Variants in SMARCD1 observed in about 807,000 individuals in gnomAD.
The protein encoded by SMARCD1 is SWI/SNF related BAF chromatin remodeling complex subunit D1, also known as SWI/SNF-related matrix-associated actin-dependent regulator of chromatin subfamily D member 1.
SMARCD1 carries 16 observed loss-of-function variants against 70.8 expected under a neutral mutation model. The observed-to-expected ratio is 0.23, with a 90% CI of 0.15 to 0.34. The LOEUF is 0.34. SMARCD1 is among the 10% of genes least tolerant of loss of function. The probability of loss-of-function intolerance (pLI) is 1.00; values close to 1 mark genes in which losing one functional copy is unlikely to be tolerated. For missense variants in SMARCD1, 409 were observed against 655.5 expected, an observed-to-expected ratio of 0.62 and a Z score of 4.11; for synonymous variants, 249 against 246.0, an observed-to-expected ratio of 1.01 and a Z score of -0.11.
intron 5 of SMARCD1, 53 bp from the exon 6 acceptor site, chr12:50,088,468 T>C (rs1199952413): frequency 2.5e-5 from 24 of 975,254 alleles, no homozygotes; most frequent in Non-Finnish European, 3.0e-5. Flanking sequence ...GATTTTGTCT[T>C]GGGAAGTTTC....
chr12:50,096,059 G>C (rs1220135964), intron 10 of SMARCD1, among the ~76,000 whole-genome samples: 3 of 152,198 alleles, frequency 2.0e-5, no homozygotes, highest in African/African-American at 7.2e-5. Context: ...AGCCCAGTTA[G>C]GAGGCTGGTG....
At position 50,086,214 on chromosome 12, in the gene SMARCD1, AC is replaced by A; in HGVS notation, c.236del (p.Pro79LeufsTer84). ...RMTPQGPSMGPPGYGGNPSVR... is the reference protein window; with the variant it reads ...RMTPQGPSMGXPGYGGNPSVR... ...TGACACCTCAGGGACCTTCCATGGG[AC>A]CCCCTGGCTATGGGGGGAACCCTTC... On this transcript the variant is annotated frameshift_variant, in exon 2 of 13. Transcript: ENST00000394963. LOFTEE classifies it high-confidence loss of function. The A allele has an allele frequency of 1.2e-6, 2 of 1,606,384 alleles. No homozygotes were observed. Among genetic ancestry groups the A allele is most frequent in the South Asian group, 1.1e-5 (1 of 90,252 alleles).
At chr12:50,093,406 T>C (rs1279481695) in intron 9 of SMARCD1, among the ~76,000 whole-genome samples, 1 of 152,014 alleles carries the variant, frequency 6.6e-6, no homozygotes, top group African/African-American at 2.4e-5. Flanking sequence ...TTGAGTGATC[T>C]GCCCGTGTTG....
intron 6 of SMARCD1, among the ~76,000 whole-genome samples, chr12:50,089,595 A>G (rs1484262586): frequency 6.6e-6 from 1 of 152,270 alleles, no homozygotes; most frequent in Non-Finnish European, 1.5e-5. Flanking sequence ...AGTACTCAGT[A>G]AATGATAGCT....
rs1373002736 is a variant in SMARCD1, at chr12:50,090,480, C to T, written c.1036-13C>T. The T allele has an allele frequency of 3.7e-6, 6 of 1,613,550 alleles. No individual in the cohort carries two copies. The highest frequency in any genetic ancestry group is 1.3e-5 in the African/African-American group (1 of 74,906). ...TCAAACTGCTAACCTCGTGCTTCTCCCCTTTGCTACAGATCTTTGAGTCTC... is the reference window on the plus strand; with the variant it reads ...TCAAACTGCTAACCTCGTGCTTCTCTCCTTTGCTACAGATCTTTGAGTCTC... On this transcript the variant is annotated splice_polypyrimidine_tract_variant and intron_variant, in intron 8 of 12. Transcript: ENST00000394963.
rs1393161188 is a variant in SMARCD1 at position 50,099,520 on chromosome 12, T to C, written c.*520T>C. On this transcript the variant is annotated 3_prime_UTR_variant, in exon 13 of 13. Coordinates refer to ENST00000394963, the MANE Select transcript of SMARCD1 (RefSeq NM_003076.5). ...CAAACTCTCCCTTCACTTGTTGCCC[T>C]GTAGCACTACAGAAACCCTGGTTCT... 2.5e-6 allele frequency: 1 copy of C among 398,440 alleles called. No homozygotes were observed. The highest frequency in any genetic ancestry group is 2.1e-5 in the African/African-American group (1 of 48,576). 24.7% of individuals were successfully genotyped at this position (398,440 alleles called of 1,614,324 possible).
rs774710402 is a variant in SMARCD1 at position 50,085,475 on chromosome 12, C to T, written c.106C>T (p.Pro36Ser). Reference protein sequence around the residue: ...AALGPGGTPGPPVRMGPAPGQ... With the variant: ...AALGPGGTPGSPVRMGPAPGQ... ...CTTGGGCCCGGGCGGAACTCCGGGGCCTCCTGTGCGAATGGGCCCGGCTCC... is the reference window on the plus strand; with the variant it reads ...CTTGGGCCCGGGCGGAACTCCGGGGTCTCCTGTGCGAATGGGCCCGGCTCC... Residue 36 changes from proline (P) to serine (S), a missense_variant, in exon 1 of 13, where the codon CCT becomes TCT. Transcript: ENST00000394963. 8.1e-7 allele frequency: 1 copy of T among 1,239,332 alleles called. No homozygotes were observed. Among genetic ancestry groups the T allele is most frequent in the Non-Finnish European group, 1.0e-6 (1 of 991,952 alleles). The allele number at this position is 1,239,332 out of a possible 1,614,324, so 76.8% of individuals were successfully genotyped here. A position where few individuals can be genotyped will look rare whatever the true frequency, so the allele number is the denominator to read the frequency against.
intron 9 of SMARCD1, among the ~76,000 whole-genome samples, chr12:50,093,954 T>C (rs919767172): frequency 6.6e-6 from 1 of 151,992 alleles, no homozygotes; most frequent in Non-Finnish European, 1.5e-5. Context: ...TAGTTTTTAG[T>C]AGAAATGGGG....
chr12:50,090,826 T>TTTC (rs1950835909), intron 9 of SMARCD1, among the ~76,000 whole-genome samples: 1 of 130,086 alleles, frequency 7.7e-6, no homozygotes, highest in Admixed American at 7.6e-5. Context: ...TTGTGCTTTT[T>TTTC]TTTTTTTTTT....
intron 11 of SMARCD1, among the ~76,000 whole-genome samples, chr12:50,098,296 A>G (rs143121256): frequency 1.3e-5 from 2 of 152,336 alleles, no homozygotes; most frequent in Non-Finnish European, 1.5e-5. Context: ...ACAGTTGTGG[A>G]GGCTGGAAGT....
At position 50,090,369 on chromosome 12, in the gene SMARCD1, G is replaced by A. The variant is rs374840364; in HGVS notation, c.1002G>A (p.Arg334=). The A allele has an allele frequency of 8.7e-5, 140 of 1,613,950 alleles. No individual in the cohort carries two copies. The highest frequency in any genetic ancestry group is 1.1e-4 in the Non-Finnish European group (129 of 1,180,002). ...KTHKLQDPHE[R]EFVICDKYLQ... is the part of the protein sequence containing the mutation. ...ATAAGCTCCAGGACCCTCACGAGCG[G>A]GAGTTTGTCATCTGTGACAAGTACC... The change falls in exon 8 of 13, where the codon CGG becomes CGA. Residue 334 remains arginine, a synonymous_variant. Coordinates refer to ENST00000394963, the MANE Select transcript of SMARCD1 (RefSeq NM_003076.5).
At chr12:50,097,926 T>C (rs1000846949) in intron 11 of SMARCD1, among the ~76,000 whole-genome samples, 1 of 150,050 alleles carries the variant, frequency 6.7e-6, no homozygotes, top group Non-Finnish European at 1.5e-5. Flanking sequence ...ATTATTAGAC[T>C]GACCAGGACC....
At chr12:50,095,574 G>A (rs902478464) in intron 10 of SMARCD1, among the ~76,000 whole-genome samples, 1 of 152,126 alleles carries the variant, frequency 6.6e-6, no homozygotes, top group Non-Finnish European at 1.5e-5. Flanking sequence ...TGATCCACCC[G>A]CTTCGGCCTC....
intron 10 of SMARCD1, among the ~76,000 whole-genome samples, chr12:50,095,401 A>G (rs1257258527): frequency 2.0e-5 from 3 of 151,622 alleles, no homozygotes; most frequent in Non-Finnish European, 4.4e-5. Context: ...ATCTTGGCTC[A>G]CTACGACCTC....
intron 10 of SMARCD1, 124 bp from the exon 11 acceptor site, chr12:50,096,726 T>G: frequency 1.2e-6 from 1 of 804,618 alleles, no homozygotes. Flanking sequence ...TATATGATGG[T>G]GCCAGCTGTG....
chr12:50,094,669 C>A, intron 10 of SMARCD1, 97 bp downstream of exon 10: 1 of 1,194,794 alleles, frequency 8.4e-7, no homozygotes, highest in Non-Finnish European at 1.2e-6. Flanking sequence ...AATACGGTGA[C>A]ACCCAGTATA....
At chr12:50,087,330 C>T (rs1208156408) in intron 4 of SMARCD1, 33 bp from the exon 5 acceptor site, 2 of 1,609,066 alleles carry the variant, frequency 1.2e-6, no homozygotes, top group Admixed American at 1.7e-5. Context: ...ACCACTGAAG[C>T]CCCACGATCA....
At chr12:50,095,634 A>C (rs898011592) in intron 10 of SMARCD1, among the ~76,000 whole-genome samples, 1 of 152,110 alleles carries the variant, frequency 6.6e-6, no homozygotes, top group Non-Finnish European at 1.5e-5. Flanking sequence ...GCCCCAACTA[A>C]ATCTTGAAGG....
intron 7 of SMARCD1, 83 bp from the exon 8 acceptor site, chr12:50,090,158 A>T: frequency 7.0e-7 from 1 of 1,434,790 alleles, no homozygotes; most frequent in Non-Finnish European, 9.6e-7. Context: ...AAAGCACTAC[A>T]TTATTTGTTG....
Sources: allele counts gnomAD v4.1 joint callset (sites outside exome capture counted in the v4.1 genomes callset), GRCh38; gene constraint gnomAD v4.1.1; transcripts MANE v1.5; gene names NCBI Gene and HGNC (gene_info 2026-07-23, HGNC 2026-07-21).